IFT70B: variants seen among roughly 807,000 people sequenced by gnomAD.
IFT70B encodes the protein intraflagellar transport protein 70B.
chr2:177,552,366 C>G, the IFT70B span: 3 of 1,614,216 alleles, frequency 1.9e-6, no homozygotes, highest in Non-Finnish European at 2.5e-6. Context: ...TACCAGGCTC[C>G]TGGACCCTGG....
the IFT70B span, chr2:177,552,694 T>C: frequency 1.9e-6 from 3 of 1,600,090 alleles, no homozygotes; most frequent in African/African-American, 2.7e-5. Flanking sequence ...TAGCGTGCAT[T>C]GCGGATGAGG....
chr2:177,551,163 T>A, the IFT70B span: 4 of 1,614,070 alleles, frequency 2.5e-6, no homozygotes, highest in East Asian at 8.9e-5. Context: ...ATCTGGGTCA[T>A]CATAAGAGAG....
chr2:177,552,754 G>A, the IFT70B span: 8 of 1,565,612 alleles, frequency 5.1e-6, no homozygotes, highest in Non-Finnish European at 6.9e-6. Context: ...GCGCCGCTCA[G>A]GCCAGCCATA....
At chr2:177,550,742 G>T in the IFT70B span, 1 of 1,541,418 alleles carries the variant, frequency 6.5e-7, no homozygotes, top group South Asian at 1.3e-5. Flanking sequence ...AAAGCCATTT[G>T]ATAAATGCCA....
At chr2:177,550,203 G>A in the IFT70B span, 1 of 152,136 alleles carries the variant, frequency 6.6e-6, no homozygotes, top group Non-Finnish European at 1.5e-5. Flanking sequence ...CCATAATTTT[G>A]TTAAGGCAAC....
At chr2:177,552,429 T>G in the IFT70B span, 3 of 1,613,340 alleles carry the variant, frequency 1.9e-6, no homozygotes, top group African/African-American at 2.7e-5. Flanking sequence ...GACCCGGCTG[T>G]GGTAGGCGGG....
At chr2:177,549,485 A>G in the IFT70B span, 1 of 152,208 alleles carries the variant, frequency 6.6e-6, no homozygotes, top group African/African-American at 2.4e-5. Flanking sequence ...GAAGAAAGCT[A>G]CTAGGTTGAG....
the IFT70B span, chr2:177,551,989 C>T: frequency 6.2e-7 from 1 of 1,614,100 alleles, no homozygotes; most frequent in Non-Finnish European, 8.5e-7. Context: ...TATTCTATAG[C>T]TGCCTTAAGG....
chr2:177,550,547 C>A, the IFT70B span: 2 of 430,954 alleles, frequency 4.6e-6, no homozygotes. Flanking sequence ...ATAAACATTC[C>A]TCATAAGTTT....
At chr2:177,551,537 G>T in the IFT70B span, 22 of 1,614,074 alleles carry the variant, frequency 1.4e-5, no homozygotes, top group Non-Finnish European at 1.9e-5. Context: ...CTGCCTTTTT[G>T]ATAGCTTCAT....
chr2:177,551,651 A>G, the IFT70B span: 1 of 1,614,206 alleles, frequency 6.2e-7, no homozygotes, highest in Non-Finnish European at 8.5e-7. Flanking sequence ...CCTCTTCAGG[A>G]GCTGTCTGGC....
At chr2:177,550,773 T>G in the IFT70B span, 2 of 1,601,080 alleles carry the variant, frequency 1.2e-6, no homozygotes, top group Middle Eastern at 1.7e-4. Context: ...TTACTATATA[T>G]TCCATCCTAT....
chr2:177,552,716 C>G, the IFT70B span: 1 of 1,592,934 alleles, frequency 6.3e-7, no homozygotes, highest in Non-Finnish European at 8.6e-7. Context: ...GGTACACGAC[C>G]GCGGTGAACT....
chr2:177,552,594 C>A, the IFT70B span: 1 of 1,595,636 alleles, frequency 6.3e-7, no homozygotes, highest in Non-Finnish European at 8.5e-7. Context: ...CTCCTGCAGG[C>A]GGTAGTAGCA....
chr2:177,549,335 A>G, the IFT70B span: 5 of 152,224 alleles, frequency 3.3e-5, no homozygotes, highest in Admixed American at 2.0e-4. Context: ...TCCTGGTATA[A>G]TACAATTTGA....
chr2:177,549,532 T>TCAAAATCAACAACTGC, the IFT70B span: 1 of 152,236 alleles, frequency 6.6e-6, no homozygotes, highest in Admixed American at 6.5e-5. Flanking sequence ...TCAAAAACTG[T>TCAAAATCAACAACTGC]CAAAATCAAC....
chr2:177,552,055 G>A, the IFT70B span: 24 of 1,614,086 alleles, frequency 1.5e-5, no homozygotes, highest in Middle Eastern at 1.6e-4. Context: ...CCAACACTGC[G>A]AACATCAATG....
chr2:177,552,224 G>A, the IFT70B span: 1 of 1,614,214 alleles, frequency 6.2e-7, no homozygotes, highest in Non-Finnish European at 8.5e-7. Context: ...AGGCCTGCAG[G>A]GCGGCAAAAA....
the IFT70B span, chr2:177,552,066 C>T: frequency 1.9e-6 from 3 of 1,614,210 alleles, no homozygotes; most frequent in African/African-American, 1.3e-5. Context: ...AACATCAATG[C>T]CCTCAGTGGT....
Sources: gnomAD v4.1 joint callset for allele counts on GRCh38, gnomAD v4.1.1 for gene constraint, MANE v1.5 for transcripts, NCBI Gene and HGNC (gene_info 2026-07-23, HGNC 2026-07-21) for gene names.